The following TMEM91 variants were observed in gnomAD, a reference collection of about 807,000 sequenced individuals.
TMEM91 encodes dispanin subfamily C member 3.
A neutral mutation model predicts 13.3 loss-of-function variants in TMEM91; 6 were observed. The ratio of observed to expected loss-of-function variants is 0.45; its 90% CI spans 0.25 to 0.89. The LOEUF (loss-of-function observed/expected upper bound fraction) is 0.89, where lower values mean the gene tolerates loss of function less well. Ranked by LOEUF, TMEM91 falls within the 40% of genes least tolerant of loss-of-function variation. TMEM91 has a pLI of 0.19. For missense variants in TMEM91, 193 were observed against 228.7 expected (o/e 0.84, Z 1.01); for synonymous variants, 87 against 101.7 (o/e 0.86, Z 0.87).
chr19:41,366,002 C>T (rs1486580696), intron 1 of TMEM91, among the ~76,000 whole-genome samples: 4 of 151,012 alleles, frequency 2.6e-5, no homozygotes, highest in African/African-American at 4.9e-5. Context: ...TGAGCCACCT[C>T]GCCTGGGCCC....
intron 1 of TMEM91, 42 bp from the exon 2 acceptor site, chr19:41,378,239 T>G: frequency 7.4e-5 from 110 of 1,491,210 alleles, no homozygotes; most frequent in Middle Eastern, 1.7e-4. Context: ...TTGAGTGAAG[T>G]GAGACTTTTA....
intron 3 of TMEM91, chr19:41,383,244 G>T: frequency 2.5e-6 from 1 of 404,104 alleles, no homozygotes; most frequent in Non-Finnish European, 4.3e-6. Context: ...AATAAAGACG[G>T]GGTTTCACCA....
At chr19:41,370,318 C>G (rs1199503426) in intron 1 of TMEM91, among the ~76,000 whole-genome samples, 1 of 151,998 alleles carries the variant, frequency 6.6e-6, no homozygotes, top group African/African-American at 2.4e-5. Flanking sequence ...CTCAGGTGAT[C>G]TGCCTGCTTC....
rs576147516 is a variant in TMEM91, at chr19:41,364,266, A to AT, written c.-30+175dup. On this transcript the variant is annotated intron_variant, in intron 1 of 3. Coordinates refer to the TMEM91 transcript ENST00000413014. ...GATGGACATTTTCCTCCTCCGCTCC[A>AT]TTTTGGGAAAATAGCGTCTCTCCAG... 1.7e-4 allele frequency: 26 copies of AT among 152,918 alleles called. No individual in the cohort carries two copies. In the South Asian group the frequency reaches 5.1e-3, roughly 30 times the overall value. The allele number at this position is 152,918 out of a possible 1,614,324, so 9.5% of individuals were successfully genotyped here. A position where few individuals can be genotyped will look rare whatever the true frequency, so the allele number is the denominator to read the frequency against.
rs551223673 is a variant in TMEM91 at position 41,377,051 on chromosome 19, GTGTA to G, written c.-30+201_-30+204del. 524 of 153,280 alleles carry G rather than the reference GTGTA, an allele frequency of 3.4e-3. 2 individuals are homozygous for G. Among genetic ancestry groups the G allele is most frequent in the Non-Finnish European group, 6.3e-3 (432 of 68,520 alleles). The allele number at this position is 153,280 out of a possible 1,614,324, so 9.5% of individuals were successfully genotyped here. Reference sequence around the variant, plus strand: ...CTTTCTGGTTGTGTTGCGTGTGTACGTGTATGTGTGTGCTGGGGTTGAGGGTGTT... The same window carrying G: ...CTTTCTGGTTGTGTTGCGTGTGTACGTGTGTGTGCTGGGGTTGAGGGTGTT... On this transcript the variant is annotated intron_variant, in intron 1 of 3. Transcript: ENST00000392002.
chr19:41,368,430 G>C (rs1458486628), intron 1 of TMEM91, among the ~76,000 whole-genome samples: 2 of 148,748 alleles, frequency 1.3e-5, no homozygotes, highest in African/African-American at 2.5e-5. Context: ...TTTTTTGGGG[G>C]GGGTGGTTAT....
At chr19:41,382,016 C>A (rs1286539412) in intron 2 of TMEM91, among the ~76,000 whole-genome samples, 1 of 152,018 alleles carries the variant, frequency 6.6e-6, no homozygotes, top group Non-Finnish European at 1.5e-5. Flanking sequence ...CAGGGGCATA[C>A]CACCACGCCT....
upstream of TMEM91, among the ~76,000 whole-genome samples, chr19:41,374,734 A>C (rs1334985432): frequency 6.6e-6 from 1 of 152,102 alleles, no homozygotes; most frequent in Non-Finnish European, 1.5e-5. Context: ...CTGTAATCCC[A>C]GCACTTTGGG....
intron 2 of TMEM91, among the ~76,000 whole-genome samples, chr19:41,380,210 A>G (rs930923146): frequency 6.6e-6 from 1 of 152,004 alleles, no homozygotes; most frequent in Admixed American, 6.6e-5. Flanking sequence ...TAGGGCTTCT[A>G]TGTGGTCTCT....
upstream of TMEM91, among the ~76,000 whole-genome samples, chr19:41,373,189 C>G (rs879740905): frequency 1.3e-5 from 2 of 152,140 alleles, no homozygotes; most frequent in Non-Finnish European, 2.9e-5. Flanking sequence ...ATCCTCCCAC[C>G]TTGGCCTCCC....
At chr19:41,379,557 G>A (rs1599930541) in intron 2 of TMEM91, among the ~76,000 whole-genome samples, 1 of 149,192 alleles carries the variant, frequency 6.7e-6, no homozygotes, top group East Asian at 2.0e-4. Flanking sequence ...GGGGGAGAGA[G>A]AGAGAGAGAG....
At chr19:41,378,134 C>A in intron 1 of TMEM91, 147 bp from the exon 2 acceptor site, 1 of 604,756 alleles carries the variant, frequency 1.7e-6, no homozygotes, top group Admixed American at 3.1e-5. Flanking sequence ...CTTTTTTTCT[C>A]TCTGGGCCTC....
At chr19:41,377,258 C>T in intron 1 of TMEM91, 1 of 152,346 alleles carries the variant, frequency 6.6e-6, no homozygotes, top group Non-Finnish European at 1.5e-5. Flanking sequence ...CGTGTGTGCA[C>T]AGGTGTCTGT....
intron 1 of TMEM91, among the ~76,000 whole-genome samples, chr19:41,365,714 T>A (rs1433108898): frequency 7.1e-6 from 1 of 141,748 alleles, no homozygotes; most frequent in South Asian, 2.3e-4. Flanking sequence ...CGGGTTTTTT[T>A]TTTTTTTTTT....
Position 41,378,306 on chromosome 19 carries a change from A to C in TMEM91, c.-4A>C. 6.2e-7 allele frequency: 1 copy of C among 1,610,810 alleles called. No homozygotes were observed. ...GAAACCCCTCCTGGAGTTTCCCCAA[A>C]GCCATGGACAGCCCTAGTCTTCGTG... is the stretch of plus-strand genomic sequence containing the variant. On this transcript the variant is annotated 5_prime_UTR_variant, in exon 2 of 4. Coordinates refer to ENST00000392002, the MANE Select transcript of TMEM91 (RefSeq NM_001098821.2).
upstream of TMEM91, among the ~76,000 whole-genome samples, chr19:41,375,085 C>G (rs1568490723): frequency 1.3e-5 from 2 of 151,944 alleles, no homozygotes; most frequent in Admixed American, 6.6e-5. Flanking sequence ...AGCATCACCC[C>G]CTACTGGACC....
intron 1 of TMEM91, among the ~76,000 whole-genome samples, chr19:41,366,496 C>G (rs2038529973): frequency 3.3e-5 from 5 of 152,154 alleles, no homozygotes; most frequent in Admixed American, 3.3e-4. Flanking sequence ...AGCTGGAACC[C>G]TGTGAACACC....
intron 3 of TMEM91, chr19:41,383,438 G>C (rs2038939160): frequency 8.6e-7 from 1 of 1,157,084 alleles, no homozygotes; most frequent in Non-Finnish European, 1.1e-6. Context: ...CTACCTCTGG[G>C]TCAATGTGAG....
At chr19:41,371,493 C>G (rs1018116093) in intron 1 of TMEM91, among the ~76,000 whole-genome samples, 1 of 151,652 alleles carries the variant, frequency 6.6e-6, no homozygotes, top group Non-Finnish European at 1.5e-5. Context: ...AATCTTGGCT[C>G]ACTGCAACCT....
Sources: allele counts gnomAD v4.1 joint callset (sites outside exome capture counted in the v4.1 genomes callset), GRCh38; gene constraint gnomAD v4.1.1; transcripts MANE v1.5; gene names NCBI Gene and HGNC (gene_info 2026-07-23, HGNC 2026-07-21).